IL3RA: variants seen among roughly 807,000 people sequenced by gnomAD.
The protein encoded by IL3RA is interleukin-3 receptor subunit alpha.
A neutral mutation model predicts 52.3 loss-of-function variants in IL3RA; 73 were observed. That is an observed-to-expected ratio of 1.40 (90% CI 1.16 to 1.70). The LOEUF (loss-of-function observed/expected upper bound fraction) is 1.70, where lower values mean the gene tolerates loss of function less well. Ranked by LOEUF, IL3RA falls within the 40% of genes most tolerant of loss-of-function variation. The probability of loss-of-function intolerance (pLI) is 0.00; values close to 1 mark genes in which losing one functional copy is unlikely to be tolerated. For synonymous variants in IL3RA, 260 were observed against 194.0 expected (o/e 1.34, Z -2.83); for missense variants, 664 against 504.4 (o/e 1.32, Z -3.03).
At chrX:1,354,839 T>G (rs866967041) in intron 6 of IL3RA, among the ~76,000 whole-genome samples, 22 of 13,096 alleles carry the variant, frequency 1.7e-3, no homozygotes, top group Admixed American at 2.3e-3. Flanking sequence ...GGGAGGAGAA[T>G]GGAGAGGAGG....
chrX:1,350,415 C>A (rs1352914827), intron 4 of IL3RA, among the ~76,000 whole-genome samples: 3 of 151,836 alleles, frequency 2.0e-5, no homozygotes, highest in Non-Finnish European at 4.4e-5. Context: ...CATGGTGAAA[C>A]CCCATCTCTA....
At position 1,370,863 on chromosome X, in the gene IL3RA, C is replaced by T. The variant is rs1224900042; in HGVS notation, c.874+5611C>T. Among the ~76,000 whole-genome samples, 151 of 54,484 alleles carry T rather than the reference C, an allele frequency of 2.8e-3. 26 individuals are homozygous for T. Among genetic ancestry groups the T allele is most frequent in the African/African-American group, 0.016 (141 of 8,716 alleles). 35.7% of individuals were successfully genotyped at this position (54,484 alleles called of 152,430 possible). ...AGAGGGGCCTCAGGAGGAACCAGCA[C>T]TGCCCACACCTGGATCTCAGACCTC... On this transcript the variant is annotated intron_variant, in intron 9 of 11. Transcript: ENST00000331035.
chrX:1,341,301 G>GA (rs374398083), intron 1 of IL3RA, among the ~76,000 whole-genome samples: 6 of 143,722 alleles, frequency 4.2e-5, no homozygotes, highest in African/African-American at 1.5e-4. Context: ...TCTCCATCAG[G>GA]AAAAAAAAAA....
At position 1,348,636 on chromosome X, in the gene IL3RA, TTC is replaced by T. The variant is rs1202287014; in HGVS notation, c.298+93_298+94del. Reference sequence around the variant, plus strand: ...TCGCCTTCGCTGTGTCTTTTTTCTTTTCTTTTTCTCTTTCTTTCTTTCTTTCT... The same window carrying T: ...TCGCCTTCGCTGTGTCTTTTTTCTTTTTTTTCTCTTTCTTTCTTTCTTTCT... On this transcript the variant is annotated intron_variant, in intron 4 of 11. Coordinates refer to ENST00000331035, the MANE Select transcript of IL3RA (RefSeq NM_002183.4). 9.2e-6 allele frequency: 7 copies of T among 764,794 alleles called. No individual in the cohort carries two copies. In the East Asian group the frequency reaches 1.1e-4, roughly 12 times the overall value. 47.4% of individuals were successfully genotyped at this position (764,794 alleles called of 1,614,324 possible).
chrX:1,382,066 C>T (rs2089203110), intron 11 of IL3RA, among the ~76,000 whole-genome samples: 1 of 152,030 alleles, frequency 6.6e-6, no homozygotes, highest in South Asian at 2.1e-4. Flanking sequence ...ATTCTCCTGC[C>T]TCAGCCTCCC....
intron 2 of IL3RA, among the ~76,000 whole-genome samples, chrX:1,345,023 G>T (rs1408781163): frequency 8.2e-6 from 1 of 122,114 alleles, no homozygotes; most frequent in Non-Finnish European, 1.9e-5. Context: ...AAAAAAATTA[G>T]CCGGGCGTGG....
intron 9 of IL3RA, among the ~76,000 whole-genome samples, chrX:1,370,229 T>C (rs1396044509): frequency 2.0e-5 from 1 of 48,862 alleles, no homozygotes; most frequent in Non-Finnish European, 3.2e-5. Context: ...GTGTTTTGTT[T>C]CTAAGCCGCC....
rs762596930 is a variant in IL3RA at position 1,353,943 on chromosome X, A to ACCCC, written c.616+1445_616+1448dup. 4.9e-4 allele frequency among the ~76,000 whole-genome samples: 21 copies of ACCCC among 42,782 alleles called. 1 individual carries two copies. Among genetic ancestry groups the ACCCC allele is most frequent in the Non-Finnish European group, 7.3e-4 (16 of 21,810 alleles). 28.1% of individuals were successfully genotyped at this position (42,782 alleles called of 152,430 possible). On this transcript the variant is annotated intron_variant, in intron 6 of 11. Coordinates refer to ENST00000331035, the MANE Select transcript of IL3RA (RefSeq NM_002183.4). ...CATGGGTTCCATCATGGGTCATGGG[A>ACCCC]CCCCCCCCCCCATCATGGGTCGTGG...
chrX:1,380,403 C>T (rs867592549), intron 10 of IL3RA, among the ~76,000 whole-genome samples: 6 of 38,496 alleles, frequency 1.6e-4, no homozygotes, highest in East Asian at 1.3e-3. Flanking sequence ...TTCTGTCTCC[C>T]GGGGGAAGGG....
chrX:1,341,676 C>A, intron 1 of IL3RA, 52 bp from the exon 2 acceptor site: 1 of 1,464,988 alleles, frequency 6.8e-7, no homozygotes, highest in Non-Finnish European at 9.5e-7. Context: ...TCATTACCCG[C>A]AACCCAGTTT....
At chrX:1,348,353 CA>C (rs201265902) in intron 3 of IL3RA, 77 bp from the exon 4 acceptor site, 58 of 1,177,382 alleles carry the variant, frequency 4.9e-5, no homozygotes, top group Non-Finnish European at 6.4e-5. Context: ...AACTCTGCCT[CA>C]AAAAAAATCT....
rs17880151 is a variant in IL3RA, at chrX:1,362,900, C to T, written c.760-2238C>T. ...AAGCGATTCCCCTGCCTCAGCCTCC[C>T]GAGTAGCTGGGACTACAGGTGCACA... On this transcript the variant is annotated intron_variant, in intron 8 of 11. Transcript: ENST00000331035. Among the ~76,000 whole-genome samples the T allele has an allele frequency of 1.5e-3, 229 of 151,986 alleles. 1 individual carries two copies. The highest frequency in any genetic ancestry group is 5.1e-3 in the African/African-American group (212 of 41,462).
intron 2 of IL3RA, among the ~76,000 whole-genome samples, chrX:1,342,269 G>A (rs1232396925): frequency 2.6e-5 from 4 of 151,918 alleles, no homozygotes; most frequent in Non-Finnish European, 4.4e-5. Flanking sequence ...GGATTCAAGC[G>A]ATTCTTCTGC....
intron 9 of IL3RA, among the ~76,000 whole-genome samples, chrX:1,367,563 C>CGGGGTGCGCGGGGTGA: frequency 1.4e-5 from 1 of 70,898 alleles, no homozygotes; most frequent in Admixed American, 1.6e-4. Flanking sequence ...GCGCGGGGTG[C>CGGGGTGCGCGGGGTGA]GCCGGGTGCG....
chrX:1,368,648 G>A (rs1266412969), intron 9 of IL3RA, among the ~76,000 whole-genome samples: 4 of 152,168 alleles, frequency 2.6e-5, no homozygotes, highest in Admixed American at 6.6e-5. Context: ...AACAGGACTG[G>A]GGTCCTTATA....
At chrX:1,382,313 C>A in intron 11 of IL3RA, 78 bp from the exon 12 acceptor site, 1 of 787,374 alleles carries the variant, frequency 1.3e-6, no homozygotes. Context: ...TGAGATGGGA[C>A]AGGCCCCCGC....
intron 7 of IL3RA, among the ~76,000 whole-genome samples, chrX:1,357,396 T>C (rs1439670040): frequency 3.9e-5 from 6 of 152,060 alleles, no homozygotes; most frequent in Non-Finnish European, 8.8e-5. Flanking sequence ...AGTCCTGCTC[T>C]GTTGCCCAGG....
intron 10 of IL3RA, among the ~76,000 whole-genome samples, chrX:1,379,752 C>T (rs1169240647): frequency 6.6e-6 from 1 of 152,180 alleles, no homozygotes; most frequent in Non-Finnish European, 1.5e-5. Context: ...GCTGGGTCAC[C>T]CCAGGTCCTG....
At chrX:1,378,874 G>C in intron 10 of IL3RA, 110 bp downstream of exon 10, 2 of 1,042,538 alleles carry the variant, frequency 1.9e-6, no homozygotes, top group Non-Finnish European at 2.9e-6. Flanking sequence ...ATGGAGTCTC[G>C]CTCTGTCTCC....
Sources: gnomAD v4.1 joint callset for allele counts (sites outside exome capture counted in the v4.1 genomes callset) on GRCh38, gnomAD v4.1.1 for gene constraint, MANE v1.5 for transcripts, NCBI Gene and HGNC (gene_info 2026-07-23, HGNC 2026-07-21) for gene names.